PLD1: variants seen among roughly 807,000 people sequenced by gnomAD.
PLD1 encodes the protein phospholipase D1.
Under a neutral mutation model 137.1 loss-of-function variants are expected in PLD1, and 112 were observed. The ratio of observed to expected loss-of-function variants is 0.82; its 90% CI spans 0.70 to 0.96. The LOEUF (loss-of-function observed/expected upper bound fraction) is 0.96. Among genes scored for constraint, PLD1 ranks in the 40% least tolerant of loss-of-function variants. The pLI, the probability that PLD1 is intolerant of heterozygous loss-of-function variation, is 0.00. For missense variants in PLD1, 1,321 were observed against 1,342.0 expected (o/e 0.98, Z 0.24); for synonymous variants, 431 against 454.7 (o/e 0.95, Z 0.66).
chr3:171,644,909 C>A lies in PLD1; in HGVS notation c.2543+1G>T, dbSNP rs779667018. 21 of 1,585,188 alleles carry A rather than the reference C, an allele frequency of 1.3e-5. No individual in the cohort carries two copies. In the Admixed American group the frequency reaches 3.5e-4, roughly 26 times the overall value. ...AAATAGACCATTTAGAGTTTTGGCA[C>A]CTGTAGTTGAAGTGCATGATTGCCT... On this transcript the variant is annotated splice_donor_variant, in intron 22 of 26. Transcript: ENST00000351298. LOFTEE classifies it high-confidence loss of function.
intron 18 of PLD1, among the ~76,000 whole-genome samples, chr3:171,674,828 A>T (rs1373975106): frequency 6.6e-6 from 1 of 151,836 alleles, no homozygotes; most frequent in Non-Finnish European, 1.5e-5. Flanking sequence ...AAAATACAAA[A>T]ATTAGCCAAG....
At chr3:171,649,445 C>A (rs886878077) in intron 21 of PLD1, among the ~76,000 whole-genome samples, 1 of 152,160 alleles carries the variant, frequency 6.6e-6, no homozygotes, top group African/African-American at 2.4e-5. Context: ...ACAGAAGATT[C>A]CATGGGACAC....
chr3:171,645,745 G>A (rs935148513), intron 21 of PLD1, among the ~76,000 whole-genome samples: 5 of 152,054 alleles, frequency 3.3e-5, no homozygotes, highest in South Asian at 2.1e-4. Context: ...TTAGCCGGGC[G>A]TGGTGGCGGG....
At chr3:171,636,574 T>C (rs9863761) in intron 23 of PLD1, among the ~76,000 whole-genome samples, 26,538 of 152,046 alleles carry the variant, frequency 0.17, 2,418 homozygotes, top group South Asian at 0.24. Context: ...AGTTTACTCA[T>C]TGCTAGAGTA....
intron 21 of PLD1, among the ~76,000 whole-genome samples, chr3:171,651,946 T>C (rs1264237289): frequency 6.6e-6 from 1 of 152,160 alleles, no homozygotes; most frequent in Non-Finnish European, 1.5e-5. Flanking sequence ...AGGTTACCAT[T>C]TTATACAATT....
At chr3:171,722,666 T>C (rs6809647) in intron 8 of PLD1, among the ~76,000 whole-genome samples, 54,835 of 151,956 alleles carry the variant, frequency 0.36, 11,001 homozygotes, top group African/African-American at 0.52. Context: ...TCCTTTTCCA[T>C]TTAATTTTTA....
intron 1 of PLD1, among the ~76,000 whole-genome samples, chr3:171,763,830 C>CTTTTTTTTTTTTTTTTTT (rs71178234): frequency 2.3e-5 from 2 of 86,738 alleles, no homozygotes; most frequent in African/African-American, 4.4e-5. Flanking sequence ...TTCTTTCTTT[C>CTTTTTTTTTTTTTTTTTT]TTTTTTTTTT....
intron 1 of PLD1, among the ~76,000 whole-genome samples, chr3:171,806,564 C>A (rs978331558): frequency 2.6e-5 from 4 of 152,210 alleles, no homozygotes; most frequent in African/African-American, 9.7e-5. Context: ...CAAAACCAGA[C>A]CTTGCAGAGC....
chr3:171,745,182 G>C (rs1355388166), intron 1 of PLD1, among the ~76,000 whole-genome samples: 1 of 152,196 alleles, frequency 6.6e-6, no homozygotes, highest in Non-Finnish European at 1.5e-5. Context: ...TTTGCTTCCA[G>C]AGTCAAATAC....
At position 171,708,838 on chromosome 3, in the gene PLD1, C is replaced by A. The variant is rs150210391; in HGVS notation, c.1062G>T (p.Trp354Cys). The A allele has an allele frequency of 8.4e-6, 13 of 1,539,062 alleles. No homozygotes were observed. The highest frequency in any genetic ancestry group is 1.1e-5 in the Non-Finnish European group (12 of 1,111,948). The stretch of plus-strand genomic sequence containing the variant: ...CAAAATATCCTTTGGCATTAACATA[C>A]CTGAAAGACAAGTTTATTGTTCCTT... ...AAIQENALAKWYVNAKGYFED... is the reference protein window; with the variant it reads ...AAIQENALAKCYVNAKGYFED... Residue 354 changes from tryptophan (W) to cysteine (C), a missense_variant and splice_region_variant, in exon 11 of 27, where the codon TGG becomes TGT. Transcript: ENST00000351298.
chr3:171,680,240 C>T (rs1299515246), intron 16 of PLD1, among the ~76,000 whole-genome samples: 8 of 135,620 alleles, frequency 5.9e-5, no homozygotes, highest in African/African-American at 2.3e-4. Flanking sequence ...CTTTTTCTTC[C>T]TCTTTTTTTT....
At chr3:171,804,546 C>T (rs1427043162) in intron 1 of PLD1, among the ~76,000 whole-genome samples, 1 of 152,168 alleles carries the variant, frequency 6.6e-6, no homozygotes, top group Non-Finnish European at 1.5e-5. Context: ...TCTGTGACCT[C>T]AAGGACCTTG....
In PLD1 at chr3:171,605,550, T is replaced by C. The variant is rs373282791; in HGVS notation, c.2883-134A>G. ...ATTTGAGAGACCATGACCTAGCTACTCTCATATCCTCAGAGTGCCTGACAT... is the reference window on the plus strand; with the variant it reads ...ATTTGAGAGACCATGACCTAGCTACCCTCATATCCTCAGAGTGCCTGACAT... On this transcript the variant is annotated intron_variant, in intron 25 of 26. Transcript: ENST00000351298. The C allele has an allele frequency of 3.9e-5, 25 of 638,984 alleles. No individual in the cohort carries two copies. In the South Asian group the frequency reaches 4.6e-4, roughly 12 times the overall value. The allele number at this position is 638,984 out of a possible 1,614,324, so 39.6% of individuals were successfully genotyped here.
At chr3:171,650,880 C>A (rs969976574) in intron 21 of PLD1, among the ~76,000 whole-genome samples, 2 of 151,182 alleles carry the variant, frequency 1.3e-5, no homozygotes, top group Non-Finnish European at 2.9e-5. Context: ...GCAGCCCGGG[C>A]GACAGAGCGA....
At chr3:171,646,413 T>C (rs1736216374) in intron 21 of PLD1, among the ~76,000 whole-genome samples, 1 of 152,164 alleles carries the variant, frequency 6.6e-6, no homozygotes, top group African/African-American at 2.4e-5. Context: ...CTAAAGTCGA[T>C]GTCAGGGCAA....
rs771360680 is a variant in PLD1 at position 171,644,997 on chromosome 3, A to G, written c.2456T>C (p.Val819Ala). ...HRENQKYRVYVVIPLLPGFEG... is the reference protein window; with the variant it reads ...HRENQKYRVYAVIPLLPGFEG... ...GAACCCTGGCAGAAGTGGTATCACG[A>G]CATATACCCGGTATTTCTGGTTTTC... is the stretch of plus-strand genomic sequence containing the variant. The change falls in exon 22 of 27, where the codon GTC becomes GCC. Residue 819 changes from valine (V) to alanine (A), a missense_variant. Physicochemically the swap from Val to Ala is moderately conservative, Grantham distance 64. Transcript: ENST00000351298. 6.2e-7 allele frequency: 1 copy of G among 1,613,598 alleles called. No homozygotes were observed.
chr3:171,716,813 T>C (rs1717717713), intron 8 of PLD1, among the ~76,000 whole-genome samples: 1 of 152,234 alleles, frequency 6.6e-6, no homozygotes, highest in Non-Finnish European at 1.5e-5. Flanking sequence ...ATTAAATATT[T>C]GCCCGTTCCA....
At chr3:171,606,579 T>C (rs1473077498) in intron 25 of PLD1, among the ~76,000 whole-genome samples, 1 of 152,140 alleles carries the variant, frequency 6.6e-6, no homozygotes, top group African/African-American at 2.4e-5. Flanking sequence ...GGATGTGGAA[T>C]CCTGAAACCA....
At chr3:171,712,476 A>G (rs923931298) in intron 9 of PLD1, among the ~76,000 whole-genome samples, 8 of 152,252 alleles carry the variant, frequency 5.3e-5, no homozygotes, top group Non-Finnish European at 1.0e-4. Context: ...GGGGAAAACA[A>G]GAACTATTCC....
Sources: allele counts gnomAD v4.1 joint callset (sites outside exome capture counted in the v4.1 genomes callset), GRCh38; gene constraint gnomAD v4.1.1; transcripts MANE v1.5; gene names NCBI Gene and HGNC (gene_info 2026-07-23, HGNC 2026-07-21).